The following PTPRA variants were observed in gnomAD, a reference collection of about 807,000 sequenced individuals.
PTPRA encodes the protein protein tyrosine phosphatase receptor type A.
A neutral mutation model predicts 104.8 loss-of-function variants in PTPRA; 25 were observed. That is an observed-to-expected ratio of 0.24 (90% CI 0.17 to 0.33). The LOEUF is 0.33. Ranked by LOEUF, PTPRA falls within the 10% of genes least tolerant of loss-of-function variation. The probability of loss-of-function intolerance (pLI) is 1.00; values close to 1 mark genes in which losing one functional copy is unlikely to be tolerated. For synonymous variants in PTPRA, 323 were observed against 368.9 expected, an observed-to-expected ratio of 0.88 and a Z score of 1.43; for missense variants, 765 against 1,015.3, an observed-to-expected ratio of 0.75 and a Z score of 3.35.
Position 2,950,020 on chromosome 20 carries a change from A to G in PTPRA, c.-7+1996A>G, listed in dbSNP as rs1600159385. 6.6e-6 allele frequency among the ~76,000 whole-genome samples: 1 copy of G among 152,214 alleles called. No individual in the cohort carries two copies. The highest frequency in any genetic ancestry group is 1.9e-4 in the East Asian group (1 of 5,186). On this transcript the variant is annotated intron_variant, in intron 3 of 23. Transcript: ENST00000399903. The surrounding 1 kb of genome is among the most constrained non-coding windows in gnomAD (Gnocchi z 4.0). ...GAATATATATTATTGTGTAAAAGTG[A>G]GCCTGTGATTTTCTTTCTTGTAATG...
chr20:3,035,406 G>A lies in PTPRA; in HGVS notation c.1921-179G>A, dbSNP rs942645757. Among the ~76,000 whole-genome samples the A allele has an allele frequency of 6.6e-6, 1 of 152,206 alleles. No homozygotes were observed. Among genetic ancestry groups the A allele is most frequent in the Non-Finnish European group, 1.5e-5 (1 of 68,034 alleles). ...AGTGTTTTAGATGGTCTCTGGTGAG[G>A]ATCGGAGGTTAATTGGAATGATGTG... is the stretch of plus-strand genomic sequence containing the variant. On this transcript the variant is annotated intron_variant, in intron 20 of 23. Coordinates refer to ENST00000399903, the MANE Select transcript of PTPRA (RefSeq NM_001385305.1). This position sits in a 1 kb window ranked among gnomAD's most constrained non-coding sequence, Gnocchi z 5.8.
At chr20:3,016,195 C>T (rs2064438207) in intron 12 of PTPRA, among the ~76,000 whole-genome samples, 2 of 152,266 alleles carry the variant, frequency 1.3e-5, no homozygotes, top group South Asian at 4.1e-4. Flanking sequence ...CCTTAGGTTC[C>T]AGCCAGGCTG....
chr20:2,988,548 G>A, intron 9 of PTPRA, 74 bp downstream of exon 9: 3 of 1,548,460 alleles, frequency 1.9e-6, no homozygotes, highest in Non-Finnish European at 2.6e-6. Flanking sequence ...CAGATCTTTG[G>A]AGTCATGAAG....
chr20:2,962,681 A>C (rs1168186414), intron 3 of PTPRA, among the ~76,000 whole-genome samples: 2 of 152,188 alleles, frequency 1.3e-5, no homozygotes, highest in African/African-American at 2.4e-5. Flanking sequence ...TATAAAATGT[A>C]AGTTTTATGA....
the PTPRA span, chr20:2,864,991 G>A: frequency 1.1e-5 from 17 of 1,614,136 alleles, 1 homozygote; most frequent in Middle Eastern, 1.6e-4. The surrounding 1 kb of genome is among the most constrained non-coding windows in gnomAD (Gnocchi z 5.2). Flanking sequence ...ATTGAGGGGC[G>A]AGTAGCAGCT....
rs2061891093 is a variant in PTPRA, at chr20:2,964,933, C to T, written c.146C>T (p.Thr49Ile). The T allele has an allele frequency of 2.5e-6, 4 of 1,613,958 alleles. No individual in the cohort carries two copies. The highest frequency in any genetic ancestry group is 3.4e-6 in the Non-Finnish European group (4 of 1,179,920). The change falls in exon 5 of 24, where the codon ACT becomes ATT. Residue 49 changes from threonine (T) to isoleucine (I), a missense_variant. Transcript: ENST00000399903. ...TAEPVKEEAK[T>I]SNPTSSLTSL... Reference sequence around the variant, plus strand: ...GAACCAGTTAAAGAAGAGGCCAAAACTTCAAATCCAACTTCTTCACTAACT... The same window carrying T: ...GAACCAGTTAAAGAAGAGGCCAAAATTTCAAATCCAACTTCTTCACTAACT...
chr20:2,897,412 G>A (rs1316974554), intron 1 of PTPRA, among the ~76,000 whole-genome samples: 1 of 139,624 alleles, frequency 7.2e-6, no homozygotes, highest in East Asian at 2.1e-4. Context: ...TTTTGAGACG[G>A]AGTCTCGCTT....
intron 2 of PTPRA, among the ~76,000 whole-genome samples, chr20:2,935,768 A>G (rs1027035006): frequency 2.6e-5 from 4 of 152,178 alleles, no homozygotes; most frequent in African/African-American, 9.7e-5. Flanking sequence ...TAATCCCAGC[A>G]ATTTGGGAGG....
intron 2 of PTPRA, among the ~76,000 whole-genome samples, chr20:2,942,516 T>C (rs2060957925): frequency 6.6e-6 from 1 of 152,028 alleles, no homozygotes; most frequent in African/African-American, 2.4e-5. Flanking sequence ...TGTATTTTAA[T>C]TGGAACATTT....
chr20:2,933,468 G>GGGT (rs1555803727), intron 2 of PTPRA, among the ~76,000 whole-genome samples: 3 of 146,784 alleles, frequency 2.0e-5, no homozygotes, highest in African/African-American at 7.5e-5. Flanking sequence ...GGTTGGTTGG[G>GGGT]TTTTTTTTTT....
At chr20:2,901,366 G>A (rs1347892976) in intron 1 of PTPRA, among the ~76,000 whole-genome samples, 1 of 152,124 alleles carries the variant, frequency 6.6e-6, no homozygotes, top group Non-Finnish European at 1.5e-5. Flanking sequence ...TTGTAATGGT[G>A]GGTGGGTAGC....
chr20:2,890,575 G>GT (rs2058755946), intron 1 of PTPRA, among the ~76,000 whole-genome samples: 1 of 152,216 alleles, frequency 6.6e-6, no homozygotes, highest in South Asian at 2.1e-4. Flanking sequence ...GGGGCACAGT[G>GT]TAGCATTATT....
chr20:3,032,561 A>T (rs183553154), intron 20 of PTPRA, among the ~76,000 whole-genome samples: 1,510 of 150,430 alleles, frequency 0.01, 21 homozygotes, highest in African/African-American at 0.026. Context: ...AAGTCAGGAG[A>T]TCGAGACCAG....
intron 20 of PTPRA, among the ~76,000 whole-genome samples, chr20:3,033,060 G>A (rs1056860476): frequency 6.6e-6 from 1 of 151,784 alleles, no homozygotes; most frequent in South Asian, 2.1e-4. Context: ...TAAAACATTG[G>A]AGTATACTAG....
intron 9 of PTPRA, among the ~76,000 whole-genome samples, chr20:2,989,861 CA>C (rs1343904439): frequency 6.6e-6 from 1 of 151,666 alleles, no homozygotes. Context: ...ACTAAAAATA[CA>C]AAAAATTAGC....
intron 11 of PTPRA, among the ~76,000 whole-genome samples, chr20:3,009,941 C>T (rs1048659539): frequency 2.0e-4 from 31 of 151,976 alleles, no homozygotes; most frequent in Admixed American, 7.2e-4. Context: ...CTCTGCCTCC[C>T]GGGCTCAAGC....
At chr20:2,938,447 A>G (rs907441162) in intron 2 of PTPRA, among the ~76,000 whole-genome samples, 8 of 152,092 alleles carry the variant, frequency 5.3e-5, no homozygotes, top group Admixed American at 5.2e-4. Context: ...CAGCCTCCCA[A>G]AATGCTGGGA....
chr20:2,914,961 T>C (rs1291351915), intron 1 of PTPRA, among the ~76,000 whole-genome samples: 1 of 152,220 alleles, frequency 6.6e-6, no homozygotes, highest in Non-Finnish European at 1.5e-5. Flanking sequence ...ATACTATAAA[T>C]AGTTGTCCCT....
the PTPRA span, chr20:2,865,292 C>T: frequency 4.3e-6 from 7 of 1,614,152 alleles, no homozygotes; most frequent in African/African-American, 4.0e-5. The surrounding 1 kb of genome is among the most constrained non-coding windows in gnomAD (Gnocchi z 5.2). Context: ...GCAGCTGGCA[C>T]GTGACTTCCG....
Sources: allele counts gnomAD v4.1 joint callset (sites outside exome capture counted in the v4.1 genomes callset), GRCh38; gene constraint gnomAD v4.1.1; non-coding constraint Gnocchi (gnomAD v3.1); transcripts MANE v1.5; gene names NCBI Gene and HGNC (gene_info 2026-07-23, HGNC 2026-07-21).